BCAS1: variants seen among roughly 807,000 people sequenced by gnomAD.
The protein encoded by BCAS1 is breast carcinoma-amplified sequence 1.
A neutral mutation model predicts 65.4 loss-of-function variants in BCAS1; 46 were observed. The ratio of observed to expected loss-of-function variants is 0.70; its 90% confidence interval spans 0.55 to 0.90. The LOEUF is 0.90. Ranked by LOEUF, BCAS1 falls within the 40% of genes least tolerant of loss-of-function variation. The probability of loss-of-function intolerance (pLI) is 0.00; values close to 1 mark genes in which losing one functional copy is unlikely to be tolerated. For missense variants in BCAS1, 793 were observed against 771.2 expected (o/e 1.03, Z -0.33); for synonymous variants, 298 against 293.5 (o/e 1.02, Z -0.16).
At chr20:54,024,982 T>C (rs1008107619) in intron 4 of BCAS1, among the ~76,000 whole-genome samples, 14 of 152,182 alleles carry the variant, frequency 9.2e-5, no homozygotes, top group African/African-American at 3.4e-4. Context: ...TCTCTTAAAA[T>C]ACTATGTCTC....
chr20:53,954,326 AGAGAGAGAGG>A (rs1250713227), intron 11 of BCAS1, among the ~76,000 whole-genome samples: 1 of 147,630 alleles, frequency 6.8e-6, no homozygotes, highest in African/African-American at 2.5e-5. Context: ...AGAGAGAGAG[AGAGAGAGAGG>A]GACCAGGCAT....
intron 1 of BCAS1, among the ~76,000 whole-genome samples, chr20:54,059,689 G>A (rs952230965): frequency 6.6e-6 from 1 of 152,084 alleles, no homozygotes; most frequent in African/African-American, 2.4e-5. Flanking sequence ...TAGGCTGTAT[G>A]GTATAACCTA....
chr20:54,058,858 G>T, intron 1 of BCAS1, 135 bp from the exon 2 acceptor site: 2 of 923,062 alleles, frequency 2.2e-6, no homozygotes, highest in Non-Finnish European at 3.3e-6. Flanking sequence ...CAAATTGCTT[G>T]TATTAGTCCG....
chr20:54,052,193 C>T (rs2092227987), intron 3 of BCAS1, among the ~76,000 whole-genome samples: 1 of 152,192 alleles, frequency 6.6e-6, no homozygotes, highest in East Asian at 1.9e-4. Context: ...CATGTAGCCT[C>T]CACCATGATG....
At chr20:54,064,569 G>T (rs564770791) in intron 1 of BCAS1, among the ~76,000 whole-genome samples, 10 of 152,312 alleles carry the variant, frequency 6.6e-5, no homozygotes, top group Admixed American at 5.9e-4. Context: ...AGGCTTTCCA[G>T]CTGGTTATTC....
intron 9 of BCAS1, among the ~76,000 whole-genome samples, chr20:53,969,831 AT>A (rs1216738363): frequency 2.0e-5 from 3 of 152,182 alleles, no homozygotes; most frequent in Non-Finnish European, 4.4e-5. Context: ...CCAAATAAAC[AT>A]CTGTATTTTG....
intron 10 of BCAS1, among the ~76,000 whole-genome samples, chr20:53,958,926 C>T (rs1470270485): frequency 3.9e-5 from 6 of 152,138 alleles, no homozygotes; most frequent in Non-Finnish European, 8.8e-5. Flanking sequence ...AGAGGCACCA[C>T]TCAATCAATA....
intron 1 of BCAS1, among the ~76,000 whole-genome samples, chr20:54,065,694 A>G (rs941292467): frequency 1.3e-5 from 2 of 152,190 alleles, no homozygotes; most frequent in African/African-American, 2.4e-5. Flanking sequence ...GCACGTGAGT[A>G]AATTCGTCTG....
chr20:54,062,984 G>A (rs2092394154), intron 1 of BCAS1, among the ~76,000 whole-genome samples: 1 of 152,204 alleles, frequency 6.6e-6, no homozygotes. Flanking sequence ...CAGCCTACAG[G>A]ACTAGGTCCA....
chr20:54,058,084 C>A lies in BCAS1; in HGVS notation c.142+1G>T. 1 of 1,612,968 alleles carries A rather than the reference C, an allele frequency of 6.2e-7. No homozygotes were observed. The highest frequency in any genetic ancestry group is 8.5e-7 in the Non-Finnish European group (1 of 1,179,346). On this transcript the variant is annotated splice_donor_variant, in intron 3 of 12. Coordinates refer to ENST00000688948, the MANE Select transcript of BCAS1 (RefSeq NM_001366298.2). LOFTEE classifies it high-confidence loss of function. ...GATGCCCTTCCCAGAGTAGCACTGA[C>A]CTTCCTCTAAGTGCTGAACTGTGTG...
intron 4 of BCAS1, among the ~76,000 whole-genome samples, chr20:54,021,319 C>T (rs1208396228): frequency 1.3e-5 from 2 of 151,356 alleles, no homozygotes; most frequent in African/African-American, 4.9e-5. Flanking sequence ...TAGAGTCACA[C>T]ACATTTTTCG....
At chr20:54,005,098 C>T (rs1010171962) in intron 4 of BCAS1, among the ~76,000 whole-genome samples, 2 of 152,194 alleles carry the variant, frequency 1.3e-5, no homozygotes, top group African/African-American at 4.8e-5. Flanking sequence ...ACTGTCTTCT[C>T]TCCTAGATGC....
At chr20:54,022,264 T>C (rs2091577024) in intron 4 of BCAS1, among the ~76,000 whole-genome samples, 2 of 151,084 alleles carry the variant, frequency 1.3e-5, no homozygotes, top group African/African-American at 4.9e-5. Flanking sequence ...CCTTGTTAAG[T>C]GAACCACTAT....
In BCAS1 at chr20:53,944,862, T is replaced by G; in HGVS notation, c.*60A>C. Reference sequence around the variant, plus strand: ...ACATGGAGCGTGTTTGGGGAGGAGATGGAGTAAGGAGAACACATCTTGGTG... The same window carrying G: ...ACATGGAGCGTGTTTGGGGAGGAGAGGGAGTAAGGAGAACACATCTTGGTG... On this transcript the variant is annotated 3_prime_UTR_variant, in exon 13 of 13. Coordinates refer to ENST00000688948, the MANE Select transcript of BCAS1 (RefSeq NM_001366298.2). The G allele has an allele frequency of 4.8e-6, 7 of 1,457,156 alleles. No individual in the cohort carries two copies. Among genetic ancestry groups the G allele is most frequent in the Non-Finnish European group, 5.8e-6 (6 of 1,037,086 alleles). The allele number at this position is 1,457,156 out of a possible 1,614,324, so 90.3% of individuals were successfully genotyped here.
intron 3 of BCAS1, among the ~76,000 whole-genome samples, chr20:54,042,995 G>A (rs1426678770): frequency 6.6e-6 from 1 of 152,168 alleles, no homozygotes; most frequent in African/African-American, 2.4e-5. Flanking sequence ...CCTCTGCTTG[G>A]CAAATTCAGA....
At chr20:54,017,426 C>T (rs1329371132) in intron 4 of BCAS1, among the ~76,000 whole-genome samples, 2 of 148,002 alleles carry the variant, frequency 1.4e-5, no homozygotes, top group African/African-American at 5.0e-5. Context: ...GGTGGAGTCT[C>T]GCTCTGTTGC....
rs190374067 is a variant in BCAS1, at chr20:54,046,487, C to A, written c.142+11598G>T. 1.4e-3 allele frequency among the ~76,000 whole-genome samples: 200 copies of A among 147,334 alleles called. 1 individual carries two copies. In the Middle Eastern group the frequency reaches 0.014, roughly 10 times the overall value. On this transcript the variant is annotated intron_variant, in intron 3 of 12. Transcript: ENST00000688948. ...GAGGTTGCAGTGAGCCAAGATCATGCCACTGCACTCCAGCCTGGTGGACAG... is the reference window on the plus strand; with the variant it reads ...GAGGTTGCAGTGAGCCAAGATCATGACACTGCACTCCAGCCTGGTGGACAG...
chr20:53,966,271 T>C (rs993539318), intron 10 of BCAS1, among the ~76,000 whole-genome samples: 2 of 152,244 alleles, frequency 1.3e-5, no homozygotes, highest in African/African-American at 4.8e-5. Flanking sequence ...ATGTGGCTTA[T>C]GTACACCATG....
intron 9 of BCAS1, among the ~76,000 whole-genome samples, chr20:53,969,306 A>G (rs944982832): frequency 2.6e-5 from 4 of 152,150 alleles, no homozygotes. Context: ...TGTTAGAGCT[A>G]TTTAGTCCAT....
Sources: allele counts gnomAD v4.1 joint callset (sites outside exome capture counted in the v4.1 genomes callset), GRCh38; gene constraint gnomAD v4.1.1; transcripts MANE v1.5; gene names NCBI Gene and HGNC (gene_info 2026-07-23, HGNC 2026-07-21).